GRIN2A: variants seen among roughly 807,000 people sequenced by gnomAD.
The protein encoded by GRIN2A is glutamate receptor ionotropic, NMDA 2A.
Under a neutral mutation model 113.4 loss-of-function variants are expected in GRIN2A, and 22 were observed. The ratio of observed to expected loss-of-function variants is 0.19; its 90% CI spans 0.14 to 0.28. The LOEUF (loss-of-function observed/expected upper bound fraction) is 0.28. Ranked by LOEUF, GRIN2A falls within the 10% of genes least tolerant of loss-of-function variation. The pLI, the probability that GRIN2A is intolerant of heterozygous loss-of-function variation, is 1.00. For missense variants in GRIN2A, 1,502 were observed against 1,887.0 expected, an observed-to-expected ratio of 0.80 and a Z score of 3.78; for synonymous variants, 827 against 738.4, an observed-to-expected ratio of 1.12 and a Z score of -1.94.
At chr16:9,790,349 C>T (rs1332772955) in intron 11 of GRIN2A, among the ~76,000 whole-genome samples, 5 of 152,198 alleles carry the variant, frequency 3.3e-5, no homozygotes, top group African/African-American at 1.2e-4. Flanking sequence ...CTCTGCACTC[C>T]CTCGCTGTGC....
intron 4 of GRIN2A, among the ~76,000 whole-genome samples, chr16:9,851,573 G>A (rs546241598): frequency 5.9e-5 from 9 of 152,326 alleles, no homozygotes; most frequent in African/African-American, 2.2e-4. Context: ...ATATACAAGT[G>A]TTTCCTTTTG....
In GRIN2A at chr16:10,045,410, A is replaced by C. The variant is rs1222727306; in HGVS notation, c.415-106859T>G. On this transcript the variant is annotated intron_variant, in intron 2 of 12. Transcript: ENST00000330684. ...GCAGGCTCTCTCTCAGGCCTCTTGC[A>C]AATTTTTTTTTTTTGCACTGGCTCC... Among the ~76,000 whole-genome samples, 4 of 104,880 alleles carry C rather than the reference A, an allele frequency of 3.8e-5. No individual in the cohort carries two copies. In the Admixed American group the frequency reaches 4.0e-4, roughly 11 times the overall value. 68.8% of individuals were successfully genotyped at this position (104,880 alleles called of 152,430 possible).
chr16:9,987,490 G>A (rs2046002151), intron 2 of GRIN2A, among the ~76,000 whole-genome samples: 1 of 152,116 alleles, frequency 6.6e-6, no homozygotes, highest in South Asian at 2.1e-4. Context: ...TTATCCAAAT[G>A]CAGTAAAATA....
chr16:10,060,228 G>A (rs188522507), intron 2 of GRIN2A, among the ~76,000 whole-genome samples: 6 of 152,266 alleles, frequency 3.9e-5, no homozygotes, highest in African/African-American at 1.2e-4. Context: ...GAGCAGACCC[G>A]GGAACAAAGT....
At chr16:9,954,695 C>G (rs1308285806) in intron 2 of GRIN2A, among the ~76,000 whole-genome samples, 1 of 152,082 alleles carries the variant, frequency 6.6e-6, no homozygotes, top group Non-Finnish European at 1.5e-5. Flanking sequence ...TTAGAGGTAC[C>G]CCTGGCTTAA....
chr16:9,850,076 ATC>A, intron 4 of GRIN2A, 115 bp from the exon 5 acceptor site: 1 of 819,472 alleles, frequency 1.2e-6, no homozygotes. Context: ...TCTGCCACAT[ATC>A]TCAACATATG....
intron 2 of GRIN2A, among the ~76,000 whole-genome samples, chr16:10,072,822 T>C (rs2047783762): frequency 6.6e-6 from 1 of 152,146 alleles, no homozygotes; most frequent in South Asian, 2.1e-4. Context: ...CTCACTGAAG[T>C]TTGGGACACT....
intron 2 of GRIN2A, among the ~76,000 whole-genome samples, chr16:10,130,510 C>T (rs1389004220): frequency 6.6e-6 from 1 of 152,160 alleles, no homozygotes; most frequent in African/African-American, 2.4e-5. Flanking sequence ...AATGGAGCTC[C>T]GGACACAGAC....
chr16:9,911,756 G>A (rs2044142821), intron 3 of GRIN2A, among the ~76,000 whole-genome samples: 2 of 152,184 alleles, frequency 1.3e-5, no homozygotes, highest in Admixed American at 6.5e-5. Flanking sequence ...TGATTATAAT[G>A]TCTAGAAAAT....
At position 9,768,895 on chromosome 16, in the gene GRIN2A, C is replaced by T; in HGVS notation, c.2551G>A (p.Gly851Ser). ...FYWKLRFCFTGVCSDRPGLLF... is the reference protein window; with the variant it reads ...FYWKLRFCFTSVCSDRPGLLF... ...AACCCAGGCCGGTCGGAGCACACGC[C>T]CGTGAAACAGAAGCGCAGCTTCCAG... The change falls in exon 12 of 13, where the codon GGC (glycine) becomes AGC (serine). Residue 851 changes from glycine to serine, a missense_variant. Coordinates refer to ENST00000330684, the MANE Select transcript of GRIN2A (RefSeq NM_001134407.3). The T allele has an allele frequency of 1.2e-6, 2 of 1,614,182 alleles. No individual in the cohort carries two copies. Among genetic ancestry groups the T allele is most frequent in the Non-Finnish European group, 1.7e-6 (2 of 1,180,020 alleles).
At chr16:9,952,141 C>T (rs1373665926) in intron 2 of GRIN2A, among the ~76,000 whole-genome samples, 1 of 152,080 alleles carries the variant, frequency 6.6e-6, no homozygotes, top group Non-Finnish European at 1.5e-5. Context: ...CCAAGCCTCA[C>T]CCAGAAAGAA....
intron 2 of GRIN2A, among the ~76,000 whole-genome samples, chr16:10,091,913 GA>G (rs2048191317): frequency 6.6e-6 from 1 of 152,166 alleles, no homozygotes; most frequent in African/African-American, 2.4e-5. Flanking sequence ...TAGGGCTGGT[GA>G]AAATGTTCTA....
intron 2 of GRIN2A, among the ~76,000 whole-genome samples, chr16:10,074,517 G>A (rs1429916189): frequency 1.3e-5 from 2 of 152,196 alleles, no homozygotes. Context: ...AACAAGATAT[G>A]ATATGGCCAT....
chr16:10,131,121 G>C (rs1301797355), intron 2 of GRIN2A, among the ~76,000 whole-genome samples: 2 of 152,214 alleles, frequency 1.3e-5, no homozygotes, highest in Non-Finnish European at 2.9e-5. Context: ...AATAGCGGCA[G>C]GGGCTGATCA....
intron 7 of GRIN2A, among the ~76,000 whole-genome samples, chr16:9,836,707 C>A (rs561403472): frequency 2.0e-5 from 3 of 152,330 alleles, no homozygotes; most frequent in African/African-American, 7.2e-5. Flanking sequence ...ATACCACACA[C>A]GTGAATGCAC....
intron 4 of GRIN2A, among the ~76,000 whole-genome samples, chr16:9,874,586 T>C (rs1321349485): frequency 6.6e-6 from 1 of 152,212 alleles, no homozygotes; most frequent in East Asian, 1.9e-4. Flanking sequence ...ACTACTGATA[T>C]ATGAACGCCA....
intron 3 of GRIN2A, among the ~76,000 whole-genome samples, chr16:9,900,175 AG>A (rs1248268492): frequency 6.6e-6 from 1 of 152,198 alleles, no homozygotes; most frequent in Non-Finnish European, 1.5e-5. Context: ...TGGGGTCAAA[AG>A]CTTTCTTTTA....
rs536828493 is a variant in GRIN2A, at chr16:9,837,021, A to C, written c.1652-2791T>G. Reference sequence around the variant, plus strand: ...ACAAAAGCTTAGAGGCATTACCTGCAAGTGCTTCTGATGTGAGTTAATGGA... The same window carrying C: ...ACAAAAGCTTAGAGGCATTACCTGCCAGTGCTTCTGATGTGAGTTAATGGA... On this transcript the variant is annotated intron_variant, in intron 7 of 12. Transcript: ENST00000330684. Among the ~76,000 whole-genome samples the C allele has an allele frequency of 5.3e-5, 8 of 152,338 alleles. No homozygotes were observed. In the South Asian group the frequency reaches 1.7e-3, roughly 32 times the overall value.
chr16:9,895,249 G>T (rs571802881), intron 3 of GRIN2A, among the ~76,000 whole-genome samples: 4 of 152,328 alleles, frequency 2.6e-5, no homozygotes, highest in African/African-American at 9.6e-5. Context: ...AGGAAACAAA[G>T]TTAAAGGGAT....
Sources: allele counts gnomAD v4.1 joint callset (sites outside exome capture counted in the v4.1 genomes callset), GRCh38; gene constraint gnomAD v4.1.1; transcripts MANE v1.5; gene names NCBI Gene and HGNC (gene_info 2026-07-23, HGNC 2026-07-21).